The following TBCD variants were observed in gnomAD, a reference collection of about 807,000 sequenced individuals.
TBCD encodes tubulin-specific chaperone D.
In TBCD, 105 loss-of-function variants were observed where a neutral mutation model predicts 169.3. The ratio of observed to expected loss-of-function variants is 0.62; its 90% CI spans 0.53 to 0.73. The LOEUF (loss-of-function observed/expected upper bound fraction) is 0.73. Ranked by LOEUF, TBCD falls within the 30% of genes least tolerant of loss-of-function variation. The pLI, the probability that TBCD is intolerant of heterozygous loss-of-function variation, is 0.00. For missense variants in TBCD, 1,444 were observed against 1,600.1 expected, an observed-to-expected ratio of 0.90 and a Z score of 1.66; for synonymous variants, 700 against 643.9, an observed-to-expected ratio of 1.09 and a Z score of -1.32.
intron 13 of TBCD, among the ~76,000 whole-genome samples, chr17:82,849,660 G>T (rs2055486442): frequency 6.6e-6 from 1 of 152,230 alleles, no homozygotes; most frequent in Non-Finnish European, 1.5e-5. Flanking sequence ...TGGTCGCCCC[G>T]GGGGTGGGAC....
chr17:82,784,132 A>C (rs1331225457), intron 7 of TBCD, among the ~76,000 whole-genome samples: 1 of 152,134 alleles, frequency 6.6e-6, no homozygotes, highest in Non-Finnish European at 1.5e-5. Context: ...AGAAAAAAAA[A>C]ACAGAAAAAA....
chr17:82,928,009 C>CT, intron 30 of TBCD, 21 bp downstream of exon 30: 1 of 1,603,752 alleles, frequency 6.2e-7, no homozygotes. Flanking sequence ...CGTCGCAGCT[C>CT]TTCTGCATCC....
At chr17:82,826,231 TTTA>T (rs1555603791) in intron 13 of TBCD, among the ~76,000 whole-genome samples, 1 of 151,992 alleles carries the variant, frequency 6.6e-6, no homozygotes, top group Non-Finnish European at 1.5e-5. Context: ...ACCTTTTTTT[TTTA>T]TTATTTTTTT....
At chr17:82,931,763 C>T (rs923515976) in intron 33 of TBCD, among the ~76,000 whole-genome samples, 3 of 152,196 alleles carry the variant, frequency 2.0e-5, no homozygotes, top group East Asian at 3.9e-4. Context: ...ATGCTCCTGT[C>T]GCCCAGAGGG....
intron 13 of TBCD, chr17:82,859,978 G>A (rs1487051223): frequency 1.3e-6 from 1 of 761,506 alleles, no homozygotes. Context: ...TGGGCTTCAT[G>A]TGTCCTTGGG....
intron 13 of TBCD, among the ~76,000 whole-genome samples, chr17:82,852,009 A>G (rs2055833410): frequency 6.6e-6 from 1 of 152,212 alleles, no homozygotes; most frequent in Non-Finnish European, 1.5e-5. Context: ...GACGCAATTC[A>G]CATGCCATTC....
At chr17:82,803,512 T>A (rs2050726555) in intron 9 of TBCD, among the ~76,000 whole-genome samples, 1 of 152,194 alleles carries the variant, frequency 6.6e-6, no homozygotes, top group Non-Finnish European at 1.5e-5. Flanking sequence ...GCAGCTCTCT[T>A]CTCCCCAACA....
At chr17:82,925,411 T>TGCATCCA (rs962841121) in intron 27 of TBCD, among the ~76,000 whole-genome samples, 6 of 152,188 alleles carry the variant, frequency 3.9e-5, no homozygotes, top group Non-Finnish European at 7.4e-5. Flanking sequence ...CCGTGCATCC[T>TGCATCCA]GCATCCAGGT....
At chr17:82,825,061 C>T (rs909905432) in intron 13 of TBCD, among the ~76,000 whole-genome samples, 15 of 152,024 alleles carry the variant, frequency 9.9e-5, no homozygotes, top group Non-Finnish European at 1.3e-4. Context: ...GGAATTGTGT[C>T]GGAGTGTAGA....
chr17:82,942,355 TC>T, intron 38 of TBCD, 93 bp from the exon 39 acceptor site: 1 of 1,570,098 alleles, frequency 6.4e-7, no homozygotes, highest in Non-Finnish European at 8.7e-7. Context: ...ACCGTGTCAG[TC>T]CCCACACAGG....
chr17:82,885,164 G>A (rs2058635878), intron 15 of TBCD, among the ~76,000 whole-genome samples: 1 of 152,070 alleles, frequency 6.6e-6, no homozygotes, highest in Admixed American at 6.5e-5. Context: ...ACTGGTGAGG[G>A]TTTCCTGTCA....
chr17:82,793,138 CAGTA>C (rs760202347), intron 7 of TBCD, among the ~76,000 whole-genome samples: 6 of 152,160 alleles, frequency 3.9e-5, no homozygotes, highest in Non-Finnish European at 7.3e-5. Context: ...TTGTCAGAAA[CAGTA>C]TATTTTTTCA....
chr17:82,925,652 G>T (rs1315679905), intron 27 of TBCD, among the ~76,000 whole-genome samples: 1 of 152,230 alleles, frequency 6.6e-6, no homozygotes, highest in Non-Finnish European at 1.5e-5. Context: ...AGGATCTGCA[G>T]CTCCAGACGG....
Position 82,807,595 on chromosome 17 carries a change from C to T in TBCD, c.1088-13C>T, listed in dbSNP as rs1243309273. The T allele has an allele frequency of 6.7e-6, 10 of 1,503,104 alleles. No homozygotes were observed. The highest frequency in any genetic ancestry group is 2.5e-5 in the East Asian group (1 of 39,636). The allele number at this position is 1,503,104 out of a possible 1,614,324, so 93.1% of individuals were successfully genotyped here. A position where few individuals can be genotyped will look rare whatever the true frequency, so the allele number is the denominator to read the frequency against. ...TGTGGACTCTGTCACGCATCACCTT[C>T]CTCTTCCTACAGAGCAGCTGCTGGT... On this transcript the variant is annotated splice_polypyrimidine_tract_variant and intron_variant, in intron 10 of 38. Transcript: ENST00000355528.
chr17:82,879,095 T>C (rs1000362421), intron 14 of TBCD, among the ~76,000 whole-genome samples: 2 of 151,358 alleles, frequency 1.3e-5, no homozygotes, highest in African/African-American at 4.9e-5. Context: ...TTCCTGAGCC[T>C]TTTTTCTTTC....
chr17:82,757,105 A>G (rs777403926), intron 2 of TBCD, among the ~76,000 whole-genome samples: 4 of 152,180 alleles, frequency 2.6e-5, no homozygotes, highest in East Asian at 1.9e-4. Flanking sequence ...GAAGGTGGCA[A>G]TAGTCACCAC....
chr17:82,927,291 C>T lies in TBCD; in HGVS notation c.2577C>T (p.Tyr859=), dbSNP rs1292262493. The T allele has an allele frequency of 9.9e-6, 16 of 1,613,884 alleles. No homozygotes were observed. The highest frequency in any genetic ancestry group is 1.4e-5 in the Non-Finnish European group (16 of 1,179,886). ...YCALLGCMDD[Y]TTDSRGDVGT... ...CGCTGCTGGGCTGCATGGACGACTA[C>T]ACCACGGACAGCAGAGGGGACGTGG... Residue 859 remains tyrosine (Y), a synonymous_variant, in exon 29 of 39, where the codon TAC becomes TAT. Coordinates refer to ENST00000355528, the MANE Select transcript of TBCD (RefSeq NM_005993.5).
At chr17:82,770,893 GATCCTTTCAT>G (rs1339181088) in intron 5 of TBCD, among the ~76,000 whole-genome samples, 4 of 151,836 alleles carry the variant, frequency 2.6e-5, no homozygotes, top group Admixed American at 6.6e-5. Context: ...TAGTGCCTGT[GATCCTTTCAT>G]ATTTATTCAA....
chr17:82,934,305 T>C (rs1396534575), intron 34 of TBCD, among the ~76,000 whole-genome samples: 1 of 152,252 alleles, frequency 6.6e-6, no homozygotes, highest in East Asian at 1.9e-4. Flanking sequence ...TGCTGGACGC[T>C]GCACATGTTT....
Sources: gnomAD v4.1 joint callset for allele counts (sites outside exome capture counted in the v4.1 genomes callset) on GRCh38, gnomAD v4.1.1 for gene constraint, MANE v1.5 for transcripts, NCBI Gene and HGNC (gene_info 2026-07-23, HGNC 2026-07-21) for gene names.